ANGPT1: variants seen among roughly 807,000 people sequenced by gnomAD.
ANGPT1 encodes angiopoietin 1.
In ANGPT1, 17 loss-of-function variants were observed where a neutral mutation model predicts 62.2. The observed-to-expected ratio is 0.27, with a 90% confidence interval of 0.19 to 0.41. The LOEUF (loss-of-function observed/expected upper bound fraction) is 0.41, where lower values mean the gene tolerates loss of function less well. Among genes scored for constraint, ANGPT1 ranks in the 10% least tolerant of loss-of-function variants. The pLI, the probability that ANGPT1 is intolerant of heterozygous loss-of-function variation, is 1.00. For synonymous variants in ANGPT1, 199 were observed against 198.9 expected, an observed-to-expected ratio of 1.00 and a Z score of 0.00; for missense variants, 478 against 594.9, an observed-to-expected ratio of 0.80 and a Z score of 2.04.
chr8:107,395,121 T>G (rs749056923), intron 1 of ANGPT1, among the ~76,000 whole-genome samples: 23 of 152,184 alleles, frequency 1.5e-4, no homozygotes, highest in Non-Finnish European at 2.1e-4. Flanking sequence ...AAATGTCCAA[T>G]GTGAATCTAG....
At chr8:107,304,240 A>T (rs1012186400) in intron 4 of ANGPT1, among the ~76,000 whole-genome samples, 2 of 151,876 alleles carry the variant, frequency 1.3e-5, no homozygotes, top group South Asian at 4.2e-4. Flanking sequence ...ATCCATTATT[A>T]ACTTCTTACA....
At chr8:107,437,452 G>A (rs1352332504) in intron 1 of ANGPT1, among the ~76,000 whole-genome samples, 5 of 152,164 alleles carry the variant, frequency 3.3e-5, no homozygotes, top group African/African-American at 1.2e-4. Context: ...AAAGAGAGCT[G>A]AAGTATGTAA....
At chr8:107,281,928 G>A (rs1170831851) in intron 7 of ANGPT1, among the ~76,000 whole-genome samples, 1 of 151,820 alleles carries the variant, frequency 6.6e-6, no homozygotes, top group African/African-American at 2.4e-5. Flanking sequence ...CCAATTCAGA[G>A]GGACGAGACA....
chr8:107,321,083 A>G (rs1206796922), intron 4 of ANGPT1, among the ~76,000 whole-genome samples: 2 of 152,060 alleles, frequency 1.3e-5, no homozygotes, highest in African/African-American at 4.8e-5. Flanking sequence ...CAAGTTCCAA[A>G]CTTTGAAGAG....
At chr8:107,468,906 T>C (rs1812274830) in intron 1 of ANGPT1, among the ~76,000 whole-genome samples, 1 of 151,984 alleles carries the variant, frequency 6.6e-6, no homozygotes, top group Non-Finnish European at 1.5e-5. Context: ...AATCCAATGG[T>C]AAAAAAGAGA....
Position 107,251,540 on chromosome 8 carries a change from C to T in ANGPT1, c.*315G>A, listed in dbSNP as rs368006631. 7 of 240,762 alleles carry T rather than the reference C, an allele frequency of 2.9e-5. No homozygotes were observed. The highest frequency in any genetic ancestry group is 1.6e-4 in the African/African-American group (7 of 44,864). The allele number at this position is 240,762 out of a possible 1,614,324, so 14.9% of individuals were successfully genotyped here. A position where few individuals can be genotyped will look rare whatever the true frequency, so the allele number is the denominator to read the frequency against. On this transcript the variant is annotated 3_prime_UTR_variant, in exon 9 of 9. Transcript: ENST00000517746. ...ATTAACCATATTTATCATCTGGCTA[C>T]CATAGTTCCAAAATAAGGTCCAGTA...
At chr8:107,373,186 A>C (rs1044055800) in intron 1 of ANGPT1, among the ~76,000 whole-genome samples, 1 of 151,994 alleles carries the variant, frequency 6.6e-6, no homozygotes, top group African/African-American at 2.4e-5. Flanking sequence ...ATCCTTCTCC[A>C]TTTCCTAACT....
At chr8:107,465,563 T>G (rs192818760) in intron 1 of ANGPT1, among the ~76,000 whole-genome samples, 2 of 152,262 alleles carry the variant, frequency 1.3e-5, no homozygotes, top group East Asian at 3.9e-4. Flanking sequence ...ACAACTGAAT[T>G]CATGAAAAGT....
intron 1 of ANGPT1, among the ~76,000 whole-genome samples, chr8:107,399,841 C>T (rs774222640): frequency 7.9e-5 from 12 of 152,148 alleles, no homozygotes; most frequent in Non-Finnish European, 1.5e-4. Context: ...CTGAAGGAGC[C>T]AGGTGCCACA....
chr8:107,268,203 A>G (rs1183803110), intron 7 of ANGPT1, among the ~76,000 whole-genome samples: 1 of 152,112 alleles, frequency 6.6e-6, no homozygotes, highest in African/African-American at 2.4e-5. Context: ...TGATGGGTTT[A>G]CTAACTGATT....
intron 1 of ANGPT1, among the ~76,000 whole-genome samples, chr8:107,352,308 G>T (rs1259233077): frequency 6.6e-6 from 1 of 152,152 alleles, no homozygotes; most frequent in East Asian, 1.9e-4. Context: ...ATGGTGAGAA[G>T]GCAAATATCC....
intron 5 of ANGPT1, among the ~76,000 whole-genome samples, chr8:107,301,787 C>A (rs770292341): frequency 2.0e-5 from 3 of 151,904 alleles, no homozygotes; most frequent in Non-Finnish European, 2.9e-5. Context: ...TTTGTCCCAG[C>A]AAAGGGGAAA....
At chr8:107,384,954 T>C (rs1816705591) in intron 1 of ANGPT1, among the ~76,000 whole-genome samples, 2 of 152,080 alleles carry the variant, frequency 1.3e-5, no homozygotes, top group Non-Finnish European at 2.9e-5. Context: ...ATTTCTGGGT[T>C]CTCTAACCTG....
intron 4 of ANGPT1, among the ~76,000 whole-genome samples, chr8:107,315,071 C>T (rs1405416247): frequency 1.3e-5 from 2 of 152,110 alleles, no homozygotes; most frequent in African/African-American, 4.8e-5. Context: ...AAAGCAAATG[C>T]CTCATTTCCC....
At chr8:107,277,494 T>C (rs964628041) in intron 7 of ANGPT1, among the ~76,000 whole-genome samples, 1 of 152,152 alleles carries the variant, frequency 6.6e-6, no homozygotes, top group African/African-American at 2.4e-5. Flanking sequence ...AGAGGAAATA[T>C]TATACTACCT....
chr8:107,380,014 A>G (rs530928804), intron 1 of ANGPT1, among the ~76,000 whole-genome samples: 8 of 152,238 alleles, frequency 5.3e-5, no homozygotes, highest in South Asian at 2.1e-4. Context: ...GCGCGCACAC[A>G]TGTTATAACT....
rs578104840 is a variant in ANGPT1, at chr8:107,398,213, T to G, written c.298-51116A>C. ...TTTTACAAATTTTGTTCTTATTTTA[T>G]GTCAGGACTTTGATTCCATTGAAAA... is the stretch of plus-strand genomic sequence containing the variant. On this transcript the variant is annotated intron_variant, in intron 1 of 8. Coordinates refer to ENST00000517746, the MANE Select transcript of ANGPT1 (RefSeq NM_001146.5). Among the ~76,000 whole-genome samples the G allele has an allele frequency of 1.4e-4, 21 of 152,326 alleles. No individual in the cohort carries two copies. In the East Asian group the frequency reaches 3.7e-3, roughly 27 times the overall value.
At chr8:107,296,883 G>C (rs572889564) in intron 5 of ANGPT1, among the ~76,000 whole-genome samples, 18 of 152,160 alleles carry the variant, frequency 1.2e-4, no homozygotes, top group African/African-American at 4.3e-4. Context: ...AGAGTGCAGA[G>C]AGGAAACTAT....
chr8:107,456,900 C>T (rs572609443), intron 1 of ANGPT1, among the ~76,000 whole-genome samples: 1 of 151,952 alleles, frequency 6.6e-6, no homozygotes, highest in Non-Finnish European at 1.5e-5. Flanking sequence ...TTATTTTGAA[C>T]CAAAAAGTTC....
Sources: allele counts gnomAD v4.1 joint callset (sites outside exome capture counted in the v4.1 genomes callset), GRCh38; gene constraint gnomAD v4.1.1; transcripts MANE v1.5; gene names NCBI Gene and HGNC (gene_info 2026-07-23, HGNC 2026-07-21).